The following RTEL1 variants were observed in gnomAD, a reference collection of about 807,000 sequenced individuals.
The protein encoded by RTEL1 is regulator of telomere elongation helicase 1.
In RTEL1, 86 loss-of-function variants were observed where a neutral mutation model predicts 162.2. The observed-to-expected ratio is 0.53, with a 90% CI of 0.45 to 0.63. RTEL1 has a LOEUF of 0.63. Ranked by LOEUF, RTEL1 falls within the 30% of genes least tolerant of loss-of-function variation. RTEL1 has a pLI of 0.00. For synonymous variants in RTEL1, 958 were observed against 717.9 expected (o/e 1.33, Z -5.35); for missense variants, 1,941 against 1,750.2 (o/e 1.11, Z -1.95).
At position 63,695,518 on chromosome 20, in the gene RTEL1, C is replaced by T; in HGVS notation, c.3690C>T (p.Ala1230=). The T allele has an allele frequency of 6.2e-7, 1 of 1,612,132 alleles. No homozygotes were observed. Among genetic ancestry groups the T allele is most frequent in the East Asian group, 2.2e-5 (1 of 44,878 alleles). Residue 1230 remains alanine, a synonymous_variant, in exon 34 of 35, where the codon GCC becomes GCT. Coordinates refer to ENST00000360203, the MANE Select transcript of RTEL1 (RefSeq NM_001283009.2). Reference sequence around the variant, plus strand: ...GGAGAGACATCGCTGGGCAGCAGGCCACGGGAGCTCCGGGCGGGCCCCTCT... The same window carrying T: ...GGAGAGACATCGCTGGGCAGCAGGCTACGGGAGCTCCGGGCGGGCCCCTCT... ...PHGRDIAGQQ[A]TGAPGGPLSA... is the part of the protein sequence containing the mutation.
chr20:63,668,762 C>T lies in RTEL1; in HGVS notation c.699+1209C>T, dbSNP rs1237208653. ...AACCCAACCAGGCCCCTCCCTGGGACAGTTATATCACAGCTGGTAAGCCGA... is the reference window on the plus strand; with the variant it reads ...AACCCAACCAGGCCCCTCCCTGGGATAGTTATATCACAGCTGGTAAGCCGA... On this transcript the variant is annotated intron_variant, in intron 8 of 34. Transcript: ENST00000360203. The surrounding 1 kb of genome is among the most constrained non-coding windows in gnomAD (Gnocchi z 4.3). Among the ~76,000 whole-genome samples, 17 of 152,158 alleles carry T rather than the reference C, an allele frequency of 1.1e-4. No individual in the cohort carries two copies. The highest frequency in any genetic ancestry group is 8.5e-4 in the Admixed American group (13 of 15,282).
Position 63,679,831 on chromosome 20 carries a change from C to G in RTEL1, c.1038-18C>G. ...GGTCCCCCCGCCAGGCTCGAGCCTG[C>G]CTTCTTCTCCTCGGCAGCTACATCT... On this transcript the variant is annotated intron_variant, in intron 12 of 34. Transcript: ENST00000360203. 6.2e-7 allele frequency: 1 copy of G among 1,603,232 alleles called. No homozygotes were observed. The highest frequency in any genetic ancestry group is 2.2e-5 in the East Asian group (1 of 44,848).
intron 6 of RTEL1, among the ~76,000 whole-genome samples, chr20:63,664,177 G>T (rs1226784957): frequency 2.0e-5 from 3 of 152,164 alleles, no homozygotes; most frequent in Non-Finnish European, 4.4e-5. Flanking sequence ...GCTCGTCCCG[G>T]TGATGCCTGC....
At chr20:63,685,752 T>C (rs776858210) in intron 15 of RTEL1, 39 bp from the exon 16 acceptor site, 1 of 1,602,896 alleles carries the variant, frequency 6.2e-7, no homozygotes. Flanking sequence ...CCCCAGGACA[T>C]GGGCGGGGCC....
rs1232042940 is a variant in RTEL1, at chr20:63,661,494, T to A, written c.299T>A (p.Ile100Lys). 4 of 1,609,020 alleles carry A rather than the reference T, an allele frequency of 2.5e-6. No individual in the cohort carries two copies. The highest frequency in any genetic ancestry group is 3.4e-6 in the Non-Finnish European group (4 of 1,179,712). ...GCTGCTGCTGCTGCTGGAGACCCCATAGGTGACCCTAGTTCCCAGGCCTCT... is the reference window on the plus strand; with the variant it reads ...GCTGCTGCTGCTGCTGGAGACCCCAAAGGTGACCCTAGTTCCCAGGCCTCT... The part of the protein sequence containing the change: ...GNAAAAAGDP[I>K]ACYTDIPKII... The change falls in exon 3 of 35, where the codon ATA becomes AAA. Residue 100 changes from isoleucine to lysine, a missense_variant and splice_region_variant. Ile to Lys is a moderately radical substitution (Grantham distance 102, BLOSUM62 -3). Coordinates refer to ENST00000360203, the MANE Select transcript of RTEL1 (RefSeq NM_001283009.2). This position sits in a 1 kb window ranked among gnomAD's most constrained non-coding sequence, Gnocchi z 5.1.
chr20:63,687,550 T>G, intron 16 of RTEL1, 88 bp from the exon 17 acceptor site: 2 of 1,395,936 alleles, frequency 1.4e-6, no homozygotes, highest in Admixed American at 2.3e-5. Flanking sequence ...TGCCAGTGGG[T>G]GGAGAGGGTG....
intron 10 of RTEL1, among the ~76,000 whole-genome samples, chr20:63,674,592 TC>T (rs1341309623): frequency 6.6e-6 from 1 of 152,156 alleles, no homozygotes; most frequent in African/African-American, 2.4e-5. Flanking sequence ...TCCAAGCTTT[TC>T]CGGAGGCCGA....
In RTEL1 at chr20:63,668,251, C is replaced by T. The variant is rs943833323; in HGVS notation, c.699+698C>T. Among the ~76,000 whole-genome samples, 7 of 152,176 alleles carry T rather than the reference C, an allele frequency of 4.6e-5. No homozygotes were observed. The highest frequency in any genetic ancestry group is 8.8e-5 in the Non-Finnish European group (6 of 68,032). On this transcript the variant is annotated intron_variant, in intron 8 of 34. Coordinates refer to ENST00000360203, the MANE Select transcript of RTEL1 (RefSeq NM_001283009.2). The surrounding 1 kb of genome is among the most constrained non-coding windows in gnomAD (Gnocchi z 4.3). The stretch of plus-strand genomic sequence containing the variant: ...TTAGTGCAGGTGGGATCACACGCCA[C>T]GGGTCAATGGTTTGTGTGTTCACGT...
Position 63,688,398 on chromosome 20 carries a change from C to G in RTEL1, c.1722+12C>G. 3 of 1,611,428 alleles carry G rather than the reference C, an allele frequency of 1.9e-6. No individual in the cohort carries two copies. Among genetic ancestry groups the G allele is most frequent in the Non-Finnish European group, 2.5e-6 (3 of 1,178,996 alleles). ...TGGAGTTCTGGCGGGTGCGTCTCCC[C>G]TGTGTTCTGGGCGGGGTGGGTGAGG... On this transcript the variant is annotated intron_variant, in intron 20 of 34. Transcript: ENST00000360203.
intron 14 of RTEL1, chr20:63,681,981 G>A (rs891705639): frequency 2.0e-6 from 2 of 985,434 alleles, no homozygotes; most frequent in South Asian, 4.7e-5. Context: ...CCTATCAGGC[G>A]GACCTGCTTC....
rs778986068 is a variant in RTEL1, at chr20:63,688,135, C to T, written c.1596-4C>T. The T allele has an allele frequency of 1.9e-6, 3 of 1,612,556 alleles. No homozygotes were observed. The highest frequency in any genetic ancestry group is 2.2e-5 in the South Asian group (2 of 91,078). On this transcript the variant is annotated splice_polypyrimidine_tract_variant and splice_region_variant and intron_variant, in intron 18 of 34. Transcript: ENST00000360203. ...GTCCTGAGCAGTGGCCTCTCCGGCTCTAGGTTTTCCGAGGAGTGCTTATCC... is the reference window on the plus strand; with the variant it reads ...GTCCTGAGCAGTGGCCTCTCCGGCTTTAGGTTTTCCGAGGAGTGCTTATCC...
chr20:63,691,341 A>G (rs908446430), intron 27 of RTEL1, among the ~76,000 whole-genome samples: 1 of 152,096 alleles, frequency 6.6e-6, no homozygotes, highest in Non-Finnish European at 1.5e-5. Flanking sequence ...TTGCCCCAGA[A>G]GCCCATAATT....
intron 30 of RTEL1, among the ~76,000 whole-genome samples, 179 bp downstream of exon 30, chr20:63,693,462 T>TTCACCTCCACCACCACCACCTCCA (rs377133003): frequency 1.0e-4 from 1 of 9,546 alleles, no homozygotes. Flanking sequence ...CACCTCCACC[T>TTCACCTCCACCACCACCACCTCCA]CCACCTCCAC....
chr20:63,695,810 C>T lies in RTEL1; in HGVS notation c.3855C>T (p.Ala1285=), dbSNP rs763834904. The T allele has an allele frequency of 8.7e-6, 14 of 1,600,318 alleles. No individual in the cohort carries two copies. The South Asian group carries it at 1.6e-4, about 18-fold the overall frequency. The change falls in exon 35 of 35, where the codon GCC becomes GCT. Residue 1285 remains alanine, a synonymous_variant. Coordinates refer to ENST00000360203, the MANE Select transcript of RTEL1 (RefSeq NM_001283009.2). ...ASRMCPACHT[A]SRKQSVMQVF... is the part of the protein sequence containing the mutation. ...GGATGTGCCCAGCCTGCCACACCGC[C>T]TCCAGGAAGCAGAGCGTCATGCAGG...
Position 63,661,562 on chromosome 20 carries a change from G to C in RTEL1, c.301+66G>C. On this transcript the variant is annotated intron_variant, in intron 3 of 34. Transcript: ENST00000360203. The surrounding 1 kb of genome is among the most constrained non-coding windows in gnomAD (Gnocchi z 5.1). ...ATGGTTGGCAAGGGATGGCGCTGAG[G>C]GTGGGGTGGGCCCATGGGGACTCCT... is the stretch of plus-strand genomic sequence containing the variant. The C allele has an allele frequency of 6.7e-7, 1 of 1,499,840 alleles. No homozygotes were observed. The highest frequency in any genetic ancestry group is 1.2e-5 in the South Asian group (1 of 84,622). 92.9% of individuals were successfully genotyped at this position (1,499,840 alleles called of 1,614,324 possible). A position where few individuals can be genotyped will look rare whatever the true frequency, so the allele number is the denominator to read the frequency against.
intron 14 of RTEL1, chr20:63,682,787 G>GCC: frequency 9.4e-6 from 7 of 745,234 alleles, no homozygotes; most frequent in Non-Finnish European, 1.1e-5. Context: ...AGCTGGAGGC[G>GCC]AACTCCAGGC....
intron 6 of RTEL1, among the ~76,000 whole-genome samples, chr20:63,664,079 T>C (rs775574864): frequency 2.6e-5 from 4 of 152,180 alleles, no homozygotes; most frequent in Non-Finnish European, 5.9e-5. Flanking sequence ...CCCTCAGTCA[T>C]CTTGATGTGT....
chr20:63,665,342 T>G (rs749332929), intron 6 of RTEL1: 5 of 152,296 alleles, frequency 3.3e-5, no homozygotes, highest in Non-Finnish European at 5.9e-5. Flanking sequence ...CCTAAGGAAT[T>G]CTTGTGGTTC....
rs957070059 is a variant in RTEL1, at chr20:63,672,308, C to T, written c.700-248C>T. On this transcript the variant is annotated intron_variant, in intron 8 of 34. Coordinates refer to ENST00000360203, the MANE Select transcript of RTEL1 (RefSeq NM_001283009.2). ...GCCGGGGGCTCCCAGGGCATCGTGGCCGTCTGTCTTGCTGAGCGTGGCACG... is the reference window on the plus strand; with the variant it reads ...GCCGGGGGCTCCCAGGGCATCGTGGTCGTCTGTCTTGCTGAGCGTGGCACG... Among the ~76,000 whole-genome samples, 4 of 152,304 alleles carry T rather than the reference C, an allele frequency of 2.6e-5. No homozygotes were observed. The East Asian group carries it at 7.7e-4, about 29-fold the overall frequency.
Sources: gnomAD v4.1 joint callset for allele counts (sites outside exome capture counted in the v4.1 genomes callset) on GRCh38, gnomAD v4.1.1 for gene constraint, Gnocchi (gnomAD v3.1) non-coding constraint, MANE v1.5 for transcripts, NCBI Gene and HGNC (gene_info 2026-07-23, HGNC 2026-07-21) for gene names.